The following NSD2 variants were observed in gnomAD, a reference collection of about 807,000 sequenced individuals.
The protein encoded by NSD2 is nuclear receptor binding SET domain protein 2.
Under a neutral mutation model 139.0 loss-of-function variants are expected in NSD2, and 12 were observed. The observed-to-expected ratio is 0.09, with a 90% CI of 0.06 to 0.14. The LOEUF is 0.14. NSD2 is among the 10% of genes least tolerant of loss of function. NSD2 has a pLI of 1.00. For synonymous variants in NSD2, 669 were observed against 648.7 expected (o/e 1.03, Z -0.48); for missense variants, 1,155 against 1,745.0 (o/e 0.66, Z 6.02).
chr4:1,945,383 G>T (rs1192848886), intron 9 of NSD2: 3 of 1,062,950 alleles, frequency 2.8e-6, no homozygotes, highest in Non-Finnish European at 3.4e-6. Context: ...GGCCTTGCTT[G>T]CCCATGGTGT....
chr4:1,941,503 C>G (rs114616446), intron 9 of NSD2: 1 of 1,045,484 alleles, frequency 9.6e-7, no homozygotes, highest in African/African-American at 1.7e-5. Flanking sequence ...GGCAGTTGTC[C>G]TGACCTTGAG....
chr4:1,881,495 C>T (rs1164885855), intron 1 of NSD2, among the ~76,000 whole-genome samples: 1 of 152,168 alleles, frequency 6.6e-6, no homozygotes, highest in Non-Finnish European at 1.5e-5. Context: ...GATCTCCTGA[C>T]CTCATGATCC....
intron 3 of NSD2, among the ~76,000 whole-genome samples, chr4:1,904,687 G>C (rs1266515532): frequency 6.6e-6 from 1 of 152,328 alleles, no homozygotes; most frequent in East Asian, 1.9e-4. Context: ...TGCAGCAAGA[G>C]TGTTTTATGC....
At chr4:1,908,612 G>C (rs754377921) in intron 3 of NSD2, among the ~76,000 whole-genome samples, 8 of 152,140 alleles carry the variant, frequency 5.3e-5, no homozygotes, top group East Asian at 1.9e-4. Context: ...GTGAGGGAAG[G>C]ACAGAGTGCT....
intron 11 of NSD2, chr4:1,952,947 T>C (rs1157796600): frequency 1.5e-5 from 21 of 1,425,790 alleles, no homozygotes; most frequent in South Asian, 3.2e-5. Flanking sequence ...GGAGTGTCTG[T>C]CTGCCTGCCC....
At chr4:1,934,873 A>T (rs1577482950) in intron 6 of NSD2, among the ~76,000 whole-genome samples, 1 of 92,990 alleles carries the variant, frequency 1.1e-5, no homozygotes, top group Non-Finnish European at 2.1e-5. Flanking sequence ...AAAAAAAAAA[A>T]AAAAAATATA....
chr4:1,885,976 T>C (rs567665476), intron 1 of NSD2, among the ~76,000 whole-genome samples: 10 of 152,308 alleles, frequency 6.6e-5, no homozygotes, highest in African/African-American at 2.2e-4. Flanking sequence ...TCAGAAAATA[T>C]ATTTTATGAA....
intron 1 of NSD2, among the ~76,000 whole-genome samples, chr4:1,889,258 G>C (rs1409221908): frequency 6.6e-6 from 1 of 151,702 alleles, no homozygotes; most frequent in African/African-American, 2.4e-5. Context: ...GTGCAGTGGT[G>C]TAATTATGGC....
intron 3 of NSD2, among the ~76,000 whole-genome samples, chr4:1,911,354 A>C (rs1718629890): frequency 1.3e-5 from 2 of 151,986 alleles, no homozygotes; most frequent in South Asian, 4.1e-4. Flanking sequence ...TTGGGAGGCC[A>C]AGGCAGGTGG....
chr4:1,913,264 G>A (rs754502197), intron 3 of NSD2, among the ~76,000 whole-genome samples: 6 of 152,270 alleles, frequency 3.9e-5, no homozygotes, highest in Admixed American at 1.3e-4. Flanking sequence ...TTACTTAGCC[G>A]ACCTTGGTCT....
In NSD2 at chr4:1,955,886, C is replaced by T; in HGVS notation, c.2675+37C>T. On this transcript the variant is annotated intron_variant, in intron 14 of 21. Coordinates refer to ENST00000508803, the MANE Select transcript of NSD2 (RefSeq NM_001042424.3). This position sits in a 1 kb window ranked among gnomAD's most constrained non-coding sequence, Gnocchi z 4.7. ...AGAATCGTATGCTTTTATGTCTTTT[C>T]TGTTCACATGTGTTCGCTTTACAGT... 6.2e-7 allele frequency: 1 copy of T among 1,610,522 alleles called. No individual in the cohort carries two copies. The highest frequency in any genetic ancestry group is 8.5e-7 in the Non-Finnish European group (1 of 1,177,114).
At position 1,974,783 on chromosome 4, in the gene NSD2, G is replaced by A; in HGVS notation, c.3373-80G>A. On this transcript the variant is annotated intron_variant, in intron 18 of 21. Coordinates refer to ENST00000508803, the MANE Select transcript of NSD2 (RefSeq NM_001042424.3). This position sits in a 1 kb window ranked among gnomAD's most constrained non-coding sequence, Gnocchi z 4.0. ...ACAAGGAACACAACTTGTTCAATGT[G>A]CTTTATGATGGTGAAAATTCCCTTT... is the stretch of plus-strand genomic sequence containing the variant. 2 of 1,591,496 alleles carry A rather than the reference G, an allele frequency of 1.3e-6. No individual in the cohort carries two copies. The highest frequency in any genetic ancestry group is 2.2e-5 in the South Asian group (2 of 90,306).
intron 9 of NSD2, chr4:1,945,155 T>C (rs1723488081): frequency 1.9e-6 from 2 of 1,066,840 alleles, no homozygotes; most frequent in African/African-American, 3.3e-5. Flanking sequence ...TTTTGTGTTT[T>C]TTGTTTAAGT....
rs778715134 is a variant in NSD2, at chr4:1,976,484, A to T, written c.3631A>T (p.Thr1211Ser). ...FLGDRPKTST[T>S]LSSEEKGKKT... Reference sequence around the variant, plus strand: ...TAATTCTTGACTCTAGACCTCGACGACCCTTTCATCAGAGGAAAAGGGCAA... The same window carrying T: ...TAATTCTTGACTCTAGACCTCGACGTCCCTTTCATCAGAGGAAAAGGGCAA... Residue 1211 changes from threonine (T) to serine (S), a missense_variant, in exon 21 of 22, where the codon ACC (threonine) becomes TCC (serine). Coordinates refer to ENST00000508803, the MANE Select transcript of NSD2 (RefSeq NM_001042424.3). This position sits in a 1 kb window ranked among gnomAD's most constrained non-coding sequence, Gnocchi z 5.3. 2.5e-6 allele frequency: 4 copies of T among 1,613,272 alleles called. No individual in the cohort carries two copies. Among genetic ancestry groups the T allele is most frequent in the East Asian group, 4.5e-5 (2 of 44,870 alleles).
rs778060997 is a variant in NSD2, at chr4:1,955,110, A to G, written c.2339-51A>G. 2.6e-6 allele frequency: 4 copies of G among 1,527,328 alleles called. No homozygotes were observed. Among genetic ancestry groups the G allele is most frequent in the Non-Finnish European group, 2.7e-6 (3 of 1,121,868 alleles). 94.6% of individuals were successfully genotyped at this position (1,527,328 alleles called of 1,614,324 possible). A position where few individuals can be genotyped will look rare whatever the true frequency, so the allele number is the denominator to read the frequency against. On this transcript the variant is annotated intron_variant, in intron 12 of 21. Coordinates refer to ENST00000508803, the MANE Select transcript of NSD2 (RefSeq NM_001042424.3). The surrounding 1 kb of genome is among the most constrained non-coding windows in gnomAD (Gnocchi z 4.7). ...GTAATTATTAGTTGCTCTTTTCACT[A>G]TGACTGGAGTCAGTGTTTGGGGTCC...
chr4:1,950,607 G>A (rs529216137), intron 9 of NSD2, among the ~76,000 whole-genome samples: 21 of 152,280 alleles, frequency 1.4e-4, no homozygotes, highest in Admixed American at 3.9e-4. Flanking sequence ...TGGACTGCAC[G>A]GTCACCTGAT....
intron 1 of NSD2, among the ~76,000 whole-genome samples, chr4:1,882,084 C>A (rs1424453613): frequency 6.6e-6 from 1 of 152,200 alleles, no homozygotes; most frequent in Admixed American, 6.5e-5. Context: ...CCTCAGATTG[C>A]TCTGTAGATT....
rs941211830 is a variant in NSD2 at position 1,979,887 on chromosome 4, G to A, written c.*978G>A. On this transcript the variant is annotated 3_prime_UTR_variant, in exon 22 of 22. Coordinates refer to ENST00000508803, the MANE Select transcript of NSD2 (RefSeq NM_001042424.3). The stretch of plus-strand genomic sequence containing the variant: ...AGGGCGTGAGACCGCAGTCTGCTTA[G>A]AGCACAGGAAGTGACAACTTAGGGA... 1 of 232,680 alleles carries A rather than the reference G, an allele frequency of 4.3e-6. No individual in the cohort carries two copies. Among genetic ancestry groups the A allele is most frequent in the African/African-American group, 2.2e-5 (1 of 45,324 alleles). The allele number at this position is 232,680 out of a possible 1,614,324, so 14.4% of individuals were successfully genotyped here. A position where few individuals can be genotyped will look rare whatever the true frequency, so the allele number is the denominator to read the frequency against.
At position 1,927,547 on chromosome 4, in the gene NSD2, C is replaced by T. The variant is rs141672511; in HGVS notation, c.1411-3079C>T. 1.3e-3 allele frequency among the ~76,000 whole-genome samples: 193 copies of T among 151,688 alleles called. 2 individuals carry two copies. The highest frequency in any genetic ancestry group is 9.0e-3 in the South Asian group (43 of 4,798). The stretch of plus-strand genomic sequence containing the variant: ...AGCCTGGCCCACATGGTGAAACCCC[C>T]ATCTCTACTAAAAATACAAAAAGTA... On this transcript the variant is annotated intron_variant, in intron 5 of 21. Coordinates refer to ENST00000508803, the MANE Select transcript of NSD2 (RefSeq NM_001042424.3).
Sources: allele counts gnomAD v4.1 joint callset (sites outside exome capture counted in the v4.1 genomes callset), GRCh38; gene constraint gnomAD v4.1.1; non-coding constraint Gnocchi (gnomAD v3.1); transcripts MANE v1.5; gene names NCBI Gene and HGNC (gene_info 2026-07-23, HGNC 2026-07-21).